EFCAB11: variants seen among roughly 807,000 people sequenced by gnomAD.
EFCAB11 encodes EF-hand calcium binding domain 11, also known as EF-hand calcium-binding domain-containing protein 11.
Under a neutral mutation model 23.0 loss-of-function variants are expected in EFCAB11, and 14 were observed. That is an observed-to-expected ratio of 0.61 (90% CI 0.40 to 0.95). The LOEUF (loss-of-function observed/expected upper bound fraction) is 0.95. EFCAB11 is among the 40% of genes least tolerant of loss of function. The probability of loss-of-function intolerance (pLI) is 0.00; values close to 1 mark genes in which losing one functional copy is unlikely to be tolerated. For missense variants in EFCAB11, 198 were observed against 195.8 expected (o/e 1.01, Z -0.07); for synonymous variants, 65 against 66.6 (o/e 0.98, Z 0.11).
At position 89,796,951 on chromosome 14, in the gene EFCAB11, AC is replaced by A; in HGVS notation, c.*291del. The A allele has an allele frequency of 4.8e-6, 1 of 206,526 alleles. No homozygotes were observed. The highest frequency in any genetic ancestry group is 1.0e-5 in the Non-Finnish European group (1 of 100,228). 12.8% of individuals were successfully genotyped at this position (206,526 alleles called of 1,614,324 possible). On this transcript the variant is annotated 3_prime_UTR_variant, in exon 6 of 6. Transcript: ENST00000316738. Reference sequence around the variant, plus strand: ...AGGGCTGCTGGCCACACAGAAGGAGACCCCCGGCAGCAACCATCTCTAGGAT... The same window carrying A: ...AGGGCTGCTGGCCACACAGAAGGAGACCCCGGCAGCAACCATCTCTAGGAT...
chr14:89,880,581 G>A (rs1202058542), intron 5 of EFCAB11, among the ~76,000 whole-genome samples: 1 of 152,008 alleles, frequency 6.6e-6, no homozygotes, highest in Non-Finnish European at 1.5e-5. Flanking sequence ...TCTTTTGAAG[G>A]TGTTTTATAA....
chr14:89,933,906 C>G (rs913743911), intron 3 of EFCAB11, among the ~76,000 whole-genome samples: 3 of 152,176 alleles, frequency 2.0e-5, no homozygotes, highest in Admixed American at 1.3e-4. Flanking sequence ...AAGACCTAAA[C>G]CATGAGACAA....
At chr14:89,895,525 A>C (rs1356343438) in intron 5 of EFCAB11, among the ~76,000 whole-genome samples, 2 of 152,220 alleles carry the variant, frequency 1.3e-5, no homozygotes, top group Admixed American at 1.3e-4. Context: ...ACACAGGAGC[A>C]GAGGCAGCAA....
intron 5 of EFCAB11, among the ~76,000 whole-genome samples, chr14:89,863,733 T>C (rs777426648): frequency 2.5e-4 from 38 of 152,234 alleles, no homozygotes; most frequent in Non-Finnish European, 4.0e-4. Context: ...TATCTGTGAA[T>C]ATTAATGAAT....
At chr14:89,825,055 T>C (rs1349004373) in intron 5 of EFCAB11, among the ~76,000 whole-genome samples, 2 of 150,052 alleles carry the variant, frequency 1.3e-5, no homozygotes, top group African/African-American at 4.9e-5. Flanking sequence ...AGGATATTCA[T>C]TCCGTTCAAG....
At chr14:89,949,849 T>C (rs1891103950) in intron 3 of EFCAB11, among the ~76,000 whole-genome samples, 5 of 152,180 alleles carry the variant, frequency 3.3e-5, no homozygotes. Context: ...ACGTCTTACA[T>C]GGATGGCAGC....
At chr14:89,879,611 T>C (rs1456619944) in intron 5 of EFCAB11, among the ~76,000 whole-genome samples, 3 of 152,256 alleles carry the variant, frequency 2.0e-5, no homozygotes, top group Admixed American at 1.3e-4. Flanking sequence ...TTCTTTTACA[T>C]ATGTCTGAAT....
At chr14:89,897,943 T>C (rs1298975866) in intron 5 of EFCAB11, among the ~76,000 whole-genome samples, 1 of 152,144 alleles carries the variant, frequency 6.6e-6, no homozygotes, top group Non-Finnish European at 1.5e-5. Flanking sequence ...GCAAGTATGA[T>C]GAACAGTTCC....
chr14:89,905,830 T>C (rs1889479595), intron 5 of EFCAB11, among the ~76,000 whole-genome samples: 1 of 151,872 alleles, frequency 6.6e-6, no homozygotes, highest in Non-Finnish European at 1.5e-5. Flanking sequence ...AGACACTGAA[T>C]GAGGAAAGGG....
chr14:89,864,159 A>T lies in EFCAB11; in HGVS notation c.411-66835T>A, dbSNP rs537746515. Reference sequence around the variant, plus strand: ...ATCCCCAACACCCACATACTTAGCCAATTTTAAATGTCCTGGATCCAAGCT... The same window carrying T: ...ATCCCCAACACCCACATACTTAGCCTATTTTAAATGTCCTGGATCCAAGCT... On this transcript the variant is annotated intron_variant, in intron 5 of 5. Coordinates refer to ENST00000316738, the MANE Select transcript of EFCAB11 (RefSeq NM_145231.4). Among the ~76,000 whole-genome samples, 375 of 152,314 alleles carry T rather than the reference A, an allele frequency of 2.5e-3. 1 individual carries two copies. The highest frequency in any genetic ancestry group is 8.6e-3 in the African/African-American group (356 of 41,570).
chr14:89,897,207 A>ATTT (rs1156731502), intron 5 of EFCAB11, among the ~76,000 whole-genome samples: 2 of 133,586 alleles, frequency 1.5e-5, no homozygotes, highest in African/African-American at 5.8e-5. Context: ...GTATATGTGC[A>ATTT]TTTTTTTTTT....
rs756451576 is a variant in EFCAB11, at chr14:89,932,570, T to C, written c.275A>G (p.Tyr92Cys). The C allele has an allele frequency of 6.2e-7, 1 of 1,613,922 alleles. No individual in the cohort carries two copies. Among genetic ancestry groups the C allele is most frequent in the African/African-American group, 1.3e-5 (1 of 75,046 alleles). The change falls in exon 4 of 6, where the codon TAT (tyrosine) becomes TGT (cysteine). Residue 92 changes from tyrosine (Y) to cysteine (C), a missense_variant. By Grantham distance (194) the Tyr-to-Cys change is radical. Coordinates refer to ENST00000316738, the MANE Select transcript of EFCAB11 (RefSeq NM_145231.4). ...GAAGATGTGTCTTACTTCGTTCCGA[T>C]ATCGTTGAGCTTCCTTCTTTTTCCT... is the stretch of plus-strand genomic sequence containing the variant. Reference protein sequence around the residue: ...IVRKKKEAQRYRNEVRHIFTA... With the variant: ...IVRKKKEAQRCRNEVRHIFTA...
intron 5 of EFCAB11, among the ~76,000 whole-genome samples, chr14:89,801,197 G>A (rs564509438): frequency 5.3e-5 from 8 of 152,244 alleles, no homozygotes; most frequent in South Asian, 2.1e-4. Flanking sequence ...CCAATGATGC[G>A]ATGATCAAAA....
At position 89,882,779 on chromosome 14, in the gene EFCAB11, C is replaced by T. The variant is rs751880092; in HGVS notation, c.410+48762G>A. 3.3e-5 allele frequency among the ~76,000 whole-genome samples: 5 copies of T among 152,216 alleles called. 1 individual carries two copies. The highest frequency in any genetic ancestry group is 2.1e-4 in the South Asian group (1 of 4,814). On this transcript the variant is annotated intron_variant, in intron 5 of 5. Coordinates refer to ENST00000316738, the MANE Select transcript of EFCAB11 (RefSeq NM_145231.4). ...CAGAGCTAAAAAGTCCTACAGCTACCGCTATGGTTTGGATGTTTGTCCCCT... is the reference window on the plus strand; with the variant it reads ...CAGAGCTAAAAAGTCCTACAGCTACTGCTATGGTTTGGATGTTTGTCCCCT...
At chr14:89,931,380 C>G (rs1406760787) in intron 5 of EFCAB11, 161 bp downstream of exon 5, 4 of 662,610 alleles carry the variant, frequency 6.0e-6, no homozygotes, top group Non-Finnish European at 7.7e-6. Context: ...GGACCCATAG[C>G]TAACTATAGA....
chr14:89,930,728 C>T (rs1228681146), intron 5 of EFCAB11, among the ~76,000 whole-genome samples: 2 of 152,142 alleles, frequency 1.3e-5, no homozygotes, highest in Admixed American at 1.3e-4. Flanking sequence ...GGTCAACATT[C>T]GCCCCTGGTT....
chr14:89,798,116 C>T (rs1596369538), intron 5 of EFCAB11, among the ~76,000 whole-genome samples: 1 of 152,154 alleles, frequency 6.6e-6, no homozygotes, highest in East Asian at 1.9e-4. Flanking sequence ...AAGACTGGCC[C>T]AAGCAAGAGA....
chr14:89,839,985 C>T (rs1207522851), intron 5 of EFCAB11, among the ~76,000 whole-genome samples: 4 of 152,176 alleles, frequency 2.6e-5, no homozygotes, highest in African/African-American at 9.7e-5. Context: ...TTTGGGCAGA[C>T]CCAAACCCTA....
At chr14:89,863,872 AT>A (rs1158101476) in intron 5 of EFCAB11, among the ~76,000 whole-genome samples, 3 of 152,246 alleles carry the variant, frequency 2.0e-5, no homozygotes, top group South Asian at 2.1e-4. Context: ...ACTAAAAAAA[AT>A]CCCAGTATTT....
Sources: allele counts gnomAD v4.1 joint callset (sites outside exome capture counted in the v4.1 genomes callset), GRCh38; gene constraint gnomAD v4.1.1; transcripts MANE v1.5; gene names NCBI Gene and HGNC (gene_info 2026-07-23, HGNC 2026-07-21).